Variants in CD74 observed in about 807,000 individuals in gnomAD.
CD74 encodes the protein CD74 molecule.
In CD74, 20 loss-of-function variants were observed where a neutral mutation model predicts 37.1. The observed-to-expected ratio is 0.54, with a 90% CI of 0.38 to 0.78. The LOEUF (loss-of-function observed/expected upper bound fraction) is 0.78, where lower values mean the gene tolerates loss of function less well. Ranked by LOEUF, CD74 falls within the 30% of genes least tolerant of loss-of-function variation. The pLI, the probability that CD74 is intolerant of heterozygous loss-of-function variation, is 0.00. For synonymous variants in CD74, 150 were observed against 152.0 expected (o/e 0.99, Z 0.10); for missense variants, 338 against 389.5 (o/e 0.87, Z 1.11).
At position 150,407,071 on chromosome 5, in the gene CD74, C is replaced by G; in HGVS notation, c.298+81G>C. The G allele has an allele frequency of 6.4e-7, 1 of 1,563,204 alleles. No individual in the cohort carries two copies. The highest frequency in any genetic ancestry group is 8.8e-7 in the Non-Finnish European group (1 of 1,141,420). On this transcript the variant is annotated intron_variant, in intron 2 of 8. Transcript: ENST00000009530. The surrounding 1 kb of genome is among the most constrained non-coding windows in gnomAD (Gnocchi z 4.4). ...AAACCGGAGGGAGAGGACAGTGGGC[C>G]CAGCTGGGTGCAGGGATGCGGGTCT...
intron 1 of CD74, among the ~76,000 whole-genome samples, chr5:150,410,085 A>C (rs1461421993): frequency 1.8e-5 from 2 of 112,962 alleles, no homozygotes; most frequent in South Asian, 3.5e-4. Flanking sequence ...GCGGGGGGGA[A>C]GTGGGGAGAC....
In CD74 at chr5:150,407,364, A is replaced by T; in HGVS notation, c.126-40T>A. ...GAGGATAGGTCAGAGGAGGATCCAC[A>T]GTGGTGGCTGCCCCAAGGGCTGGCT... On this transcript the variant is annotated intron_variant, in intron 1 of 8. Coordinates refer to ENST00000009530, the MANE Select transcript of CD74 (RefSeq NM_001025159.3). The surrounding 1 kb of genome is among the most constrained non-coding windows in gnomAD (Gnocchi z 4.4). The T allele has an allele frequency of 6.4e-7, 1 of 1,550,698 alleles. No individual in the cohort carries two copies. The highest frequency in any genetic ancestry group is 8.8e-7 in the Non-Finnish European group (1 of 1,142,422).
Position 150,401,977 on chromosome 5 carries a change from G to T in CD74, c.*263C>A. ...TGGAGGCTGCTGTGATGTCAGGAACGGGGATCTGTCTAGCTTTTGGCCACT... is the reference window on the plus strand; with the variant it reads ...TGGAGGCTGCTGTGATGTCAGGAACTGGGATCTGTCTAGCTTTTGGCCACT... On this transcript the variant is annotated 3_prime_UTR_variant, in exon 9 of 9. Transcript: ENST00000009530. 1 of 1,319,920 alleles carries T rather than the reference G, an allele frequency of 7.6e-7. No individual in the cohort carries two copies. The highest frequency in any genetic ancestry group is 1.1e-6 in the Non-Finnish European group (1 of 949,588). The allele number at this position is 1,319,920 out of a possible 1,614,324, so 81.8% of individuals were successfully genotyped here. A position where few individuals can be genotyped will look rare whatever the true frequency, so the allele number is the denominator to read the frequency against.
At position 150,402,039 on chromosome 5, in the gene CD74, T is replaced by C. The variant is rs1354275031; in HGVS notation, c.*201A>G. ...CACGCCCCTGTTGACAGATGGAGATTGGGCAGCAGGGCCTTGCTGCATTGT... is the reference window on the plus strand; with the variant it reads ...CACGCCCCTGTTGACAGATGGAGATCGGGCAGCAGGGCCTTGCTGCATTGT... On this transcript the variant is annotated 3_prime_UTR_variant, in exon 9 of 9. Transcript: ENST00000009530. This position sits in a 1 kb window ranked among gnomAD's most constrained non-coding sequence, Gnocchi z 4.2. 3.3e-6 allele frequency: 5 copies of C among 1,536,654 alleles called. No homozygotes were observed. Among genetic ancestry groups the C allele is most frequent in the Non-Finnish European group, 4.4e-6 (5 of 1,146,406 alleles).
chr5:150,402,720 A>G lies in CD74; in HGVS notation c.818-95T>C, dbSNP rs1047246347. 7 of 1,060,462 alleles carry G rather than the reference A, an allele frequency of 6.6e-6. No individual in the cohort carries two copies. The African/African-American group carries it at 7.9e-5, about 12-fold the overall frequency. The allele number at this position is 1,060,462 out of a possible 1,614,324, so 65.7% of individuals were successfully genotyped here. Reference sequence around the variant, plus strand: ...GTGCTTCCCACCTAGCCACAGGCTTAGTGCCTGGGAAAGCAGGTACCCAGG... The same window carrying G: ...GTGCTTCCCACCTAGCCACAGGCTTGGTGCCTGGGAAAGCAGGTACCCAGG... On this transcript the variant is annotated intron_variant, in intron 7 of 8. Transcript: ENST00000009530. This position sits in a 1 kb window ranked among gnomAD's most constrained non-coding sequence, Gnocchi z 4.2.
chr5:150,411,965 T>C (rs148316224), intron 1 of CD74, among the ~76,000 whole-genome samples: 1 of 152,248 alleles, frequency 6.6e-6, no homozygotes, highest in Non-Finnish European at 1.5e-5. Flanking sequence ...GGTCTTTATT[T>C]ATTTATTTAT....
Position 150,412,810 on chromosome 5 carries a change from T to C in CD74, c.-61A>G. 6.2e-7 allele frequency: 1 copy of C among 1,605,712 alleles called. No homozygotes were observed. The highest frequency in any genetic ancestry group is 8.5e-7 in the Non-Finnish European group (1 of 1,176,100). ...CGGTGCTGGAGAGGAATCTGATTCG[T>C]CCACAGAAGGCCACTCCGCCCACTT... On this transcript the variant is annotated 5_prime_UTR_variant, in exon 1 of 9. Coordinates refer to ENST00000009530, the MANE Select transcript of CD74 (RefSeq NM_001025159.3).
chr5:150,412,820 G>A lies in CD74; in HGVS notation c.-71C>T, dbSNP rs760098975. On this transcript the variant is annotated 5_prime_UTR_variant, in exon 1 of 9. Transcript: ENST00000009530. Reference sequence around the variant, plus strand: ...GAGGAATCTGATTCGTCCACAGAAGGCCACTCCGCCCACTTGGTAGATGTG... The same window carrying A: ...GAGGAATCTGATTCGTCCACAGAAGACCACTCCGCCCACTTGGTAGATGTG... The A allele has an allele frequency of 3.1e-6, 5 of 1,598,696 alleles. No homozygotes were observed. The South Asian group carries it at 5.5e-5, about 18-fold the overall frequency.
Position 150,407,354 on chromosome 5 carries a change from G to T in CD74, c.126-30C>A. 4 of 1,577,658 alleles carry T rather than the reference G, an allele frequency of 2.5e-6. No homozygotes were observed. The highest frequency in any genetic ancestry group is 3.4e-6 in the Non-Finnish European group (4 of 1,160,930). ...GGGAGGTGGGGAGGATAGGTCAGAG[G>T]AGGATCCACAGTGGTGGCTGCCCCA... is the stretch of plus-strand genomic sequence containing the variant. On this transcript the variant is annotated intron_variant, in intron 1 of 8. Coordinates refer to ENST00000009530, the MANE Select transcript of CD74 (RefSeq NM_001025159.3). This position sits in a 1 kb window ranked among gnomAD's most constrained non-coding sequence, Gnocchi z 4.4.
intron 3 of CD74, chr5:150,406,632 A>G (rs759725866): frequency 1.7e-6 from 1 of 582,956 alleles, no homozygotes; most frequent in Non-Finnish European, 3.1e-6. Flanking sequence ...GTGAGATGCT[A>G]TAGGAAATGA....
intron 1 of CD74, among the ~76,000 whole-genome samples, chr5:150,412,040 C>G (rs1581261326): frequency 6.6e-6 from 1 of 152,350 alleles, no homozygotes; most frequent in East Asian, 1.9e-4. Context: ...TCTTGGCTCA[C>G]TGCAACCTCT....
chr5:150,411,194 C>T (rs1770323213), intron 1 of CD74, among the ~76,000 whole-genome samples: 1 of 151,838 alleles, frequency 6.6e-6, no homozygotes, highest in African/African-American at 2.4e-5. Flanking sequence ...TAAATAATCA[C>T]AGTACTAACT....
At position 150,409,701 on chromosome 5, in the gene CD74, T is replaced by TAA. The variant is rs1245310458; in HGVS notation, c.126-2379_126-2378dup. On this transcript the variant is annotated intron_variant, in intron 1 of 8. Coordinates refer to ENST00000009530, the MANE Select transcript of CD74 (RefSeq NM_001025159.3). ...GAGTGAGACTCTGTCTCAAAAAACATAACAAAAAAAAAAAAAAAAAACAAG... is the reference window on the plus strand; with the variant it reads ...GAGTGAGACTCTGTCTCAAAAAACATAAAACAAAAAAAAAAAAAAAAAACAAG... Among the ~76,000 whole-genome samples the TAA allele has an allele frequency of 5.7e-3, 119 of 20,980 alleles. 1 individual carries two copies. Among genetic ancestry groups the TAA allele is most frequent in the African/African-American group, 0.02 (113 of 5,602 alleles). 13.8% of individuals were successfully genotyped at this position (20,980 alleles called of 152,430 possible).
rs1349474321 is a variant in CD74, at chr5:150,407,189, G to A, written c.261C>T (p.Asn87=). 1.2e-6 allele frequency: 2 copies of A among 1,613,952 alleles called. No homozygotes were observed. The highest frequency in any genetic ancestry group is 3.3e-5 in the Admixed American group (2 of 59,992). ...RLDKLTVTSQ[N]LQLENLRMKL... ...TCATGCGCAGGTTCTCCAGCTGCAG[G>A]TTCTGGGAGGTGACTGTCAGTTTGT... Residue 87 remains asparagine (N), a synonymous_variant, in exon 2 of 9, where the codon AAC becomes AAT. Coordinates refer to ENST00000009530, the MANE Select transcript of CD74 (RefSeq NM_001025159.3). This position sits in a 1 kb window ranked among gnomAD's most constrained non-coding sequence, Gnocchi z 4.4.
chr5:150,403,281 G>A lies in CD74; in HGVS notation c.657C>T (p.His219=), dbSNP rs1461846189. The A allele has an allele frequency of 1.2e-6, 2 of 1,614,062 alleles. No individual in the cohort carries two copies. Among genetic ancestry groups the A allele is most frequent in the Non-Finnish European group, 1.7e-6 (2 of 1,179,900 alleles). Residue 219 remains histidine, a synonymous_variant, in exon 7 of 9, where the codon CAC becomes CAT. Coordinates refer to ENST00000009530, the MANE Select transcript of CD74 (RefSeq NM_001025159.3). The surrounding 1 kb of genome is among the most constrained non-coding windows in gnomAD (Gnocchi z 4.5). The part of the protein sequence containing the change: ...VLTKCQEEVS[H]IPAVHPGSFR... ...ATGAACCCGGGTGGACAGCAGGGAT[G>A]TGGCTGACCTCTTCCTGGCACTTGG...
intron 1 of CD74, among the ~76,000 whole-genome samples, chr5:150,409,547 G>A (rs1204847396): frequency 6.6e-6 from 1 of 150,956 alleles, no homozygotes; most frequent in Non-Finnish European, 1.5e-5. Flanking sequence ...GAAAAAATTA[G>A]CCGGGCGTAG....
chr5:150,405,180 T>C lies in CD74; in HGVS notation c.442A>G (p.Asn148Asp). The C allele has an allele frequency of 6.3e-7, 1 of 1,595,392 alleles. No homozygotes were observed. Among genetic ancestry groups the C allele is most frequent in the Non-Finnish European group, 8.5e-7 (1 of 1,172,176 alleles). Residue 148 changes from asparagine (N) to aspartate (D), a missense_variant and splice_region_variant, in exon 5 of 9, where the codon AAT becomes GAT. By Grantham distance (23) the Asn-to-Asp change is conservative (BLOSUM62 1). Transcript: ENST00000009530. ...TEDHVMHLLQ[N>D]ADPLKVYPPL... ...GGGTACACCTTCAGGGGGTCAGCAT[T>C]CTACAGGGTAGCAGGGCAGGAAGGA...
rs1429786880 is a variant in CD74, at chr5:150,403,837, C to T, written c.626-525G>A. ...TCGCACCACTGCACTCCAGCCTGGG[C>T]GACAGAGCCAGACTCTATCTCAAAA... On this transcript the variant is annotated intron_variant, in intron 6 of 8. Coordinates refer to ENST00000009530, the MANE Select transcript of CD74 (RefSeq NM_001025159.3). This position sits in a 1 kb window ranked among gnomAD's most constrained non-coding sequence, Gnocchi z 4.5. Among the ~76,000 whole-genome samples the T allele has an allele frequency of 1.3e-5, 2 of 152,158 alleles. No individual in the cohort carries two copies. Among genetic ancestry groups the T allele is most frequent in the Admixed American group, 1.3e-4 (2 of 15,288 alleles).
intron 4 of CD74, chr5:150,405,527 T>G: frequency 1.5e-6 from 1 of 667,762 alleles, no homozygotes; most frequent in Non-Finnish European, 1.9e-6. Context: ...CTAGGTTGAG[T>G]CCTCTGCCTC....
Sources: allele counts gnomAD v4.1 joint callset (sites outside exome capture counted in the v4.1 genomes callset), GRCh38; gene constraint gnomAD v4.1.1; non-coding constraint Gnocchi (gnomAD v3.1); transcripts MANE v1.5; gene names NCBI Gene and HGNC (gene_info 2026-07-23, HGNC 2026-07-21).